Variants in FARS2 observed in about 807,000 individuals in gnomAD.
FARS2 encodes phenylalanine--tRNA ligase, mitochondrial.
FARS2 carries 40 observed loss-of-function variants against 46.4 expected under a neutral mutation model. The ratio of observed to expected loss-of-function variants is 0.86; its 90% CI spans 0.67 to 1.12. The LOEUF (loss-of-function observed/expected upper bound fraction) is 1.12. FARS2 is among the 50% of genes most tolerant of loss of function. The pLI, the probability that FARS2 is intolerant of heterozygous loss-of-function variation, is 0.00. For missense variants in FARS2, 513 were observed against 567.9 expected (o/e 0.90, Z 0.98); for synonymous variants, 234 against 214.9 (o/e 1.09, Z -0.78).
chr6:5,633,064 G>A (rs1443918282), intron 6 of FARS2, among the ~76,000 whole-genome samples: 1 of 151,324 alleles, frequency 6.6e-6, no homozygotes, highest in African/African-American at 2.4e-5. Flanking sequence ...GAAGTAATGG[G>A]TTTTTATTTT....
chr6:5,439,221 G>A (rs73352429), intron 4 of FARS2, among the ~76,000 whole-genome samples: 2 of 152,312 alleles, frequency 1.3e-5, no homozygotes, highest in East Asian at 3.9e-4. Flanking sequence ...TGGAGTCTGT[G>A]CTGTGCGTGT....
chr6:5,476,906 T>G (rs567470771), intron 4 of FARS2, among the ~76,000 whole-genome samples: 1 of 152,218 alleles, frequency 6.6e-6, no homozygotes, highest in Non-Finnish European at 1.5e-5. Context: ...CAAGGAAGTG[T>G]ATTTTGGAAG....
rs141300929 is a variant in FARS2, at chr6:5,266,345, A to G, written c.-22+4685A>G. Among the ~76,000 whole-genome samples the G allele has an allele frequency of 2.7e-3, 412 of 152,204 alleles. 1 individual carries two copies. The highest frequency in any genetic ancestry group is 7.8e-3 in the African/African-American group (325 of 41,534). The stretch of plus-strand genomic sequence containing the variant: ...TTTGAGTTAGTCTTCCCATGACCTG[A>G]TGGAAGAGCTGTTATCTCCATTTAA... On this transcript the variant is annotated intron_variant, in intron 1 of 6. Coordinates refer to ENST00000274680, the MANE Select transcript of FARS2 (RefSeq NM_006567.5).
intron 5 of FARS2, chr6:5,609,644 G>A: frequency 1.6e-6 from 2 of 1,230,518 alleles, no homozygotes; most frequent in South Asian, 2.4e-5. Flanking sequence ...CTCTTGCTTT[G>A]ACAGGGCTTT....
At chr6:5,761,442 C>G (rs1437605140) in intron 6 of FARS2, among the ~76,000 whole-genome samples, 1 of 152,322 alleles carries the variant, frequency 6.6e-6, no homozygotes, top group South Asian at 2.1e-4. Flanking sequence ...CACCTCAGCA[C>G]AGAACAAATA....
intron 5 of FARS2, among the ~76,000 whole-genome samples, chr6:5,607,115 G>A (rs1393664882): frequency 2.0e-5 from 3 of 152,070 alleles, no homozygotes; most frequent in Non-Finnish European, 4.4e-5. Flanking sequence ...ATTAGCTGTT[G>A]AGTTAATTTA....
intron 2 of FARS2, among the ~76,000 whole-genome samples, chr6:5,395,325 A>G (rs1760838652): frequency 6.6e-6 from 1 of 152,162 alleles, no homozygotes; most frequent in Non-Finnish European, 1.5e-5. Context: ...TGCTGGGACT[A>G]CAGGTGTGAG....
intron 4 of FARS2, among the ~76,000 whole-genome samples, chr6:5,470,339 C>T (rs1765744126): frequency 6.6e-6 from 1 of 152,188 alleles, no homozygotes; most frequent in African/African-American, 2.4e-5. Flanking sequence ...AGAGAATGCG[C>T]ATAGATTATA....
chr6:5,610,911 T>G (rs1248714520), intron 5 of FARS2, among the ~76,000 whole-genome samples: 1 of 152,234 alleles, frequency 6.6e-6, no homozygotes, highest in Non-Finnish European at 1.5e-5. Flanking sequence ...CGACGTGGTA[T>G]GTCCACTAGC....
At chr6:5,475,983 A>G (rs1440157857) in intron 4 of FARS2, among the ~76,000 whole-genome samples, 1 of 152,138 alleles carries the variant, frequency 6.6e-6, no homozygotes, top group African/African-American at 2.4e-5. Flanking sequence ...GATCATAGTA[A>G]TTCTCTTATT....
intron 2 of FARS2, among the ~76,000 whole-genome samples, chr6:5,388,035 C>G (rs1760249287): frequency 6.9e-6 from 1 of 145,486 alleles, no homozygotes. Flanking sequence ...ATTGGTGAAC[C>G]AATTTTTTTT....
At chr6:5,431,270 A>G (rs1763150991) in intron 4 of FARS2, 98 bp downstream of exon 4, 5 of 1,238,312 alleles carry the variant, frequency 4.0e-6, no homozygotes, top group South Asian at 2.7e-5. Flanking sequence ...ACATACTTCT[A>G]TGCGGGCAGC....
chr6:5,672,308 C>T (rs189485316), intron 6 of FARS2, among the ~76,000 whole-genome samples: 12 of 152,342 alleles, frequency 7.9e-5, no homozygotes, highest in African/African-American at 2.9e-4. Flanking sequence ...GCCTCACTAT[C>T]CCCTGGCCAC....
At chr6:5,287,281 A>G (rs1273943479) in intron 1 of FARS2, among the ~76,000 whole-genome samples, 1 of 152,044 alleles carries the variant, frequency 6.6e-6, no homozygotes, top group Non-Finnish European at 1.5e-5. Flanking sequence ...TTTGCTGTGG[A>G]CCTTGTGTCA....
intron 5 of FARS2, among the ~76,000 whole-genome samples, chr6:5,556,841 C>G (rs907288053): frequency 2.6e-5 from 4 of 151,978 alleles, no homozygotes; most frequent in African/African-American, 9.7e-5. Flanking sequence ...TAAGAACTTT[C>G]TATTTATAGA....
In FARS2 at chr6:5,556,164, C is replaced by G. The variant is rs189416910; in HGVS notation, c.1065+10824C>G. 7.4e-4 allele frequency among the ~76,000 whole-genome samples: 112 copies of G among 152,202 alleles called. 1 individual carries two copies. Among genetic ancestry groups the G allele is most frequent in the Middle Eastern group, 6.8e-3 (2 of 294 alleles). On this transcript the variant is annotated intron_variant, in intron 5 of 6. Coordinates refer to ENST00000274680, the MANE Select transcript of FARS2 (RefSeq NM_006567.5). ...ATGCTTGAAATCTCCCCTTAGAGCT[C>G]GCTTCCTTTAGCTTAATACTTTAAT...
chr6:5,556,596 G>C (rs1411835462), intron 5 of FARS2, among the ~76,000 whole-genome samples: 1 of 151,556 alleles, frequency 6.6e-6, no homozygotes, highest in Non-Finnish European at 1.5e-5. Context: ...TGATTTTTTT[G>C]TGAAAAAGGA....
chr6:5,279,960 A>T (rs1416798135), intron 1 of FARS2, among the ~76,000 whole-genome samples: 3 of 152,244 alleles, frequency 2.0e-5, no homozygotes, highest in Non-Finnish European at 2.9e-5. Context: ...GGGCACCCCA[A>T]GGCCCAGTCA....
intron 2 of FARS2, among the ~76,000 whole-genome samples, chr6:5,392,527 G>C (rs1760583695): frequency 6.6e-6 from 1 of 151,930 alleles, no homozygotes; most frequent in African/African-American, 2.4e-5. Context: ...TGATAGGAGA[G>C]TTATATATTT....
Sources: gnomAD v4.1 joint callset for allele counts (sites outside exome capture counted in the v4.1 genomes callset) on GRCh38, gnomAD v4.1.1 for gene constraint, MANE v1.5 for transcripts, NCBI Gene and HGNC (gene_info 2026-07-23, HGNC 2026-07-21) for gene names.